The following RTTN variants were observed in gnomAD, a reference collection of about 807,000 sequenced individuals.
RTTN encodes rotatin.
A neutral mutation model predicts 269.2 loss-of-function variants in RTTN; 182 were observed. That is an observed-to-expected ratio of 0.68 (90% CI 0.60 to 0.76). The LOEUF is 0.76. Among genes scored for constraint, RTTN ranks in the 30% least tolerant of loss-of-function variants. The pLI is 0.00. For missense variants in RTTN, 2,545 were observed against 2,608.6 expected (o/e 0.98, Z 0.53); for synonymous variants, 1,006 against 963.5 (o/e 1.04, Z -0.82).
Position 70,037,828 on chromosome 18 carries a change from C to T in RTTN, c.5542-6847G>A, listed in dbSNP as rs1371478081. ...GCTCTTGGGCTCCCTGAATCCAGGC[C>T]GAGCCTCTTGGACAGTATTTCTGGA... On this transcript the variant is annotated intron_variant, in intron 40 of 48. Coordinates refer to ENST00000640769, the MANE Select transcript of RTTN (RefSeq NM_173630.4). Among the ~76,000 whole-genome samples, 11 of 152,254 alleles carry T rather than the reference C, an allele frequency of 7.2e-5. No individual in the cohort carries two copies. In the East Asian group the frequency reaches 9.6e-4, roughly 13 times the overall value.
chr18:70,127,249 A>G (rs2059888406), intron 25 of RTTN, among the ~76,000 whole-genome samples: 2 of 152,160 alleles, frequency 1.3e-5, no homozygotes, highest in Admixed American at 6.6e-5. Context: ...GTCTTATCCT[A>G]ATTATTTGCT....
intron 32 of RTTN, among the ~76,000 whole-genome samples, chr18:70,078,025 G>T (rs1455295580): frequency 2.0e-5 from 3 of 151,712 alleles, no homozygotes; most frequent in Non-Finnish European, 3.0e-5. Context: ...AATATGAAAA[G>T]ATTTGTCAGA....
At chr18:70,013,934 T>G (rs957308780) in intron 46 of RTTN, among the ~76,000 whole-genome samples, 3 of 152,206 alleles carry the variant, frequency 2.0e-5, no homozygotes, top group African/African-American at 7.2e-5. Context: ...CTTTCTCATC[T>G]TTTTAGCTTT....
chr18:70,199,238 AG>A (rs2061890330), intron 5 of RTTN, among the ~76,000 whole-genome samples, 175 bp downstream of exon 5: 2 of 151,298 alleles, frequency 1.3e-5, no homozygotes, highest in Admixed American at 1.3e-4. Context: ...ATTGATTAAA[AG>A]CAAATAGGAA....
intron 14 of RTTN, 114 bp downstream of exon 14, chr18:70,165,948 G>T: frequency 5.3e-6 from 5 of 946,398 alleles, no homozygotes; most frequent in South Asian, 2.1e-5. Flanking sequence ...TACTTTTATG[G>T]GATATAGTTC....
chr18:70,168,347 A>T (rs749757247), intron 12 of RTTN, among the ~76,000 whole-genome samples: 4 of 152,170 alleles, frequency 2.6e-5, no homozygotes, highest in Non-Finnish European at 5.9e-5. Flanking sequence ...ACCGACACAT[A>T]ATTATTGCTG....
In RTTN at chr18:70,168,838, T is replaced by C. The variant is rs768302409; in HGVS notation, c.1689+17A>G. 9 of 1,561,936 alleles carry C rather than the reference T, an allele frequency of 5.8e-6. No individual in the cohort carries two copies. Among genetic ancestry groups the C allele is most frequent in the South Asian group, 4.7e-5 (4 of 84,840 alleles). ...ATGTCAAAGGGATTTAAAAGAGATATTAAAAAAGCTTTTTACCTCTTTCCC... is the reference window on the plus strand; with the variant it reads ...ATGTCAAAGGGATTTAAAAGAGATACTAAAAAAGCTTTTTACCTCTTTCCC... On this transcript the variant is annotated intron_variant, in intron 12 of 48. Coordinates refer to ENST00000640769, the MANE Select transcript of RTTN (RefSeq NM_173630.4).
At chr18:70,202,777 A>G (rs1020628674) in intron 3 of RTTN, among the ~76,000 whole-genome samples, 6 of 152,226 alleles carry the variant, frequency 3.9e-5, no homozygotes, top group Non-Finnish European at 7.3e-5. Flanking sequence ...AGTAAGACTA[A>G]TAACATCTCA....
intron 35 of RTTN, among the ~76,000 whole-genome samples, chr18:70,064,293 G>C (rs1270391326): frequency 7.8e-6 from 1 of 128,748 alleles, no homozygotes; most frequent in Non-Finnish European, 1.6e-5. Flanking sequence ...AGCCAAGATT[G>C]CGCCACTGCA....
chr18:70,052,642 T>TTATATATATATATATA (rs1327265663), intron 38 of RTTN, among the ~76,000 whole-genome samples: 278 of 145,898 alleles, frequency 1.9e-3, no homozygotes, highest in East Asian at 8.4e-3. Context: ...ATTTATTTAC[T>TTATATATATATATATA]TATATATATA....
chr18:70,148,486 A>C (rs1372873785), intron 17 of RTTN, among the ~76,000 whole-genome samples: 2 of 152,218 alleles, frequency 1.3e-5, no homozygotes, highest in Non-Finnish European at 2.9e-5. Context: ...TATTTGAGAC[A>C]ACTGGCCTAC....
intron 13 of RTTN, chr18:70,166,436 C>A (rs2060988301): frequency 3.4e-6 from 1 of 293,222 alleles, no homozygotes; most frequent in South Asian, 1.1e-4. Flanking sequence ...TAATGATTAT[C>A]ACATCACAGA....
intron 9 of RTTN, among the ~76,000 whole-genome samples, chr18:70,188,865 A>AC (rs56100063): frequency 0.73 from 110,262 of 151,974 alleles, 46,692 homozygotes; most frequent in East Asian, 1. Flanking sequence ...AGACTTTCCC[A>AC]CCCCGCATCC....
chr18:70,012,368 C>T lies in RTTN; in HGVS notation c.6421+5039G>A, dbSNP rs188246349. 2.9e-3 allele frequency among the ~76,000 whole-genome samples: 414 copies of T among 143,930 alleles called. 1 individual carries two copies. The highest frequency in any genetic ancestry group is 0.01 in the African/African-American group (394 of 38,114). The allele number at this position is 143,930 out of a possible 152,430, so 94.4% of individuals were successfully genotyped here. ...CTCACTGGTATTGGTTAGAGGGCAGCGTCTGCTCACTGGTGTTAGATAGAG... is the reference window on the plus strand; with the variant it reads ...CTCACTGGTATTGGTTAGAGGGCAGTGTCTGCTCACTGGTGTTAGATAGAG... On this transcript the variant is annotated intron_variant, in intron 46 of 48. Transcript: ENST00000640769.
chr18:70,127,663 G>T lies in RTTN; in HGVS notation c.3222C>A (p.Asp1074Glu), dbSNP rs1167977886. Residue 1074 changes from aspartate to glutamate, a missense_variant, in exon 25 of 49, where the codon GAC (aspartate) becomes GAA (glutamate). Asp to Glu is a conservative substitution (Grantham distance 45, BLOSUM62 2). Coordinates refer to ENST00000640769, the MANE Select transcript of RTTN (RefSeq NM_173630.4). ...CAGCCTGAACAATGGAATGGAGGCAGTCCTGCAGCCCACTAGCCATGTGTG... is the reference window on the plus strand; with the variant it reads ...CAGCCTGAACAATGGAATGGAGGCATTCCTGCAGCCCACTAGCCATGTGTG... ...KITHMASGLQ[D>E]CLHSIVQAAT... 1 of 1,613,440 alleles carries T rather than the reference G, an allele frequency of 6.2e-7. No homozygotes were observed. Among genetic ancestry groups the T allele is most frequent in the East Asian group, 2.2e-5 (1 of 44,866 alleles).
At position 70,026,311 on chromosome 18, in the gene RTTN, C is replaced by T. The variant is rs140965284; in HGVS notation, c.5824-1463G>A. Among the ~76,000 whole-genome samples the T allele has an allele frequency of 5.5e-4, 83 of 152,220 alleles. 1 individual carries two copies. Among genetic ancestry groups the T allele is most frequent in the African/African-American group, 2.0e-3 (81 of 41,538 alleles). ...AAATCTCATGTTGAATTGTAATCCC[C>T]AGTGCTAGAGGTGAGGCCTGGTGGG... On this transcript the variant is annotated intron_variant, in intron 43 of 48. Coordinates refer to ENST00000640769, the MANE Select transcript of RTTN (RefSeq NM_173630.4).
chr18:70,045,137 T>C (rs1207626470), intron 40 of RTTN, among the ~76,000 whole-genome samples: 1 of 152,228 alleles, frequency 6.6e-6, no homozygotes, highest in Non-Finnish European at 1.5e-5. Context: ...ACTTAAGATG[T>C]AAGTATGAAT....
intron 35 of RTTN, chr18:70,061,548 T>C (rs1024908449): frequency 5.9e-6 from 2 of 339,340 alleles, no homozygotes; most frequent in Non-Finnish European, 1.2e-5. Context: ...AAACATATTT[T>C]ATCTACGAAT....
chr18:70,196,221 T>C (rs976356015), intron 7 of RTTN, among the ~76,000 whole-genome samples: 3 of 150,926 alleles, frequency 2.0e-5, no homozygotes, highest in Non-Finnish European at 2.9e-5. Flanking sequence ...AGTCACTACA[T>C]CCCAACAACA....
Sources: gnomAD v4.1 joint callset for allele counts (sites outside exome capture counted in the v4.1 genomes callset) on GRCh38, gnomAD v4.1.1 for gene constraint, MANE v1.5 for transcripts, NCBI Gene and HGNC (gene_info 2026-07-23, HGNC 2026-07-21) for gene names.